The following RPGR variants were observed in gnomAD, a reference collection of about 807,000 sequenced individuals.
The protein encoded by RPGR is retinitis pigmentosa GTPase regulator.
A neutral mutation model predicts 56.3 loss-of-function variants in RPGR; 10 were observed. The ratio of observed to expected loss-of-function variants is 0.18; its 90% CI spans 0.11 to 0.30. The LOEUF is 0.30. Among genes scored for constraint, RPGR ranks in the 10% least tolerant of loss-of-function variants. RPGR has a pLI of 1.00. For synonymous variants in RPGR, 197 were observed against 212.9 expected, an observed-to-expected ratio of 0.93 and a Z score of 0.65; for missense variants, 538 against 590.9, an observed-to-expected ratio of 0.91 and a Z score of 0.93.
At chrX:38,273,089 T>C (rs1436297976) in intron 18 of RPGR, among the ~76,000 whole-genome samples, 1 of 112,226 alleles carries the variant, frequency 8.9e-6, no homozygotes, top group Non-Finnish European at 1.9e-5. Flanking sequence ...TGATGAGCTT[T>C]AGATTTTAGG....
chrX:38,300,816 T>C (rs1006047571), intron 9 of RPGR, among the ~76,000 whole-genome samples: 3 of 112,248 alleles, frequency 2.7e-5, no homozygotes, highest in African/African-American at 9.7e-5. Context: ...ATTACAGGAG[T>C]GAGCCACCGT....
At chrX:38,306,280 T>A (rs1238531392) in intron 7 of RPGR, among the ~76,000 whole-genome samples, 1 of 112,217 alleles carries the variant, frequency 8.9e-6, no homozygotes, top group Non-Finnish European at 1.9e-5. Context: ...TTAGATTCTC[T>A]GATGTTATAA....
chrX:38,291,597 A>G, intron 11 of RPGR, 113 bp from the exon 12 acceptor site: 2 of 463,504 alleles, frequency 4.3e-6, no homozygotes, highest in South Asian at 3.2e-5. Flanking sequence ...AATTTTACTA[A>G]AAGTCCTTTA....
chrX:38,293,049 A>T (rs1391340451), intron 11 of RPGR, among the ~76,000 whole-genome samples: 1 of 112,181 alleles, frequency 8.9e-6, no homozygotes, highest in Non-Finnish European at 1.9e-5. Flanking sequence ...TCATTTTGTA[A>T]ATATAGAAAT....
rs1197806701 is a variant in RPGR at position 38,318,723 on chromosome X, G to A, written c.469+106C>T. ...GTTTTCTGAAAGCACATAGATAGTC[G>A]ATGAAAGAAAACTAAACAGCAATGC... On this transcript the variant is annotated intron_variant, in intron 5 of 18. Transcript: ENST00000642395. The A allele has an allele frequency of 2.1e-5, 18 of 849,677 alleles. No homozygotes were observed. The South Asian group carries it at 2.8e-4, about 13-fold the overall frequency. The allele number at this position is 849,677 out of a possible 1,213,427, so 70.0% of individuals were successfully genotyped here. A position where few individuals can be genotyped will look rare whatever the true frequency, so the allele number is the denominator to read the frequency against.
At chrX:38,278,054 A>G (rs2066966966) in intron 15 of RPGR, among the ~76,000 whole-genome samples, 2 of 111,971 alleles carry the variant, frequency 1.8e-5, no homozygotes, top group African/African-American at 3.2e-5. Context: ...CTACTCAGGA[A>G]GAATTAGATT....
chrX:38,285,319 G>A (rs1279799680), intron 15 of RPGR: 4 of 1,055,767 alleles, frequency 3.8e-6, no homozygotes, highest in Non-Finnish European at 2.4e-6. Flanking sequence ...TTTATAATTT[G>A]GGGGGGAAAT....
At chrX:38,315,994 T>C (rs1344576572) in intron 6 of RPGR, among the ~76,000 whole-genome samples, 1 of 110,755 alleles carries the variant, frequency 9.0e-6, no homozygotes, top group Non-Finnish European at 1.9e-5. Flanking sequence ...TGCTTTTCTA[T>C]ACAACATTTT....
intron 1 of RPGR, among the ~76,000 whole-genome samples, chrX:38,323,996 C>T (rs777275680): frequency 8.9e-6 from 1 of 112,164 alleles, no homozygotes; most frequent in Non-Finnish European, 1.9e-5. Flanking sequence ...GAGTCTCTAT[C>T]AGTCAATTTG....
intron 6 of RPGR, among the ~76,000 whole-genome samples, chrX:38,312,615 C>T (rs975225300): frequency 9.0e-6 from 1 of 111,656 alleles, no homozygotes; most frequent in African/African-American, 3.3e-5. Flanking sequence ...GAGTCACATC[C>T]TCCCTTGGGA....
chrX:38,323,642 C>A, intron 1 of RPGR, 118 bp from the exon 2 acceptor site: 1 of 777,786 alleles, frequency 1.3e-6, no homozygotes, highest in Admixed American at 2.7e-5. Flanking sequence ...TGCCCCCACT[C>A]TGGCAATGTT....
chrX:38,325,753 T>C (rs1186536310), intron 1 of RPGR: 1 of 111,944 alleles, frequency 8.9e-6, no homozygotes, highest in Non-Finnish European at 1.9e-5. Context: ...GATTTTAACA[T>C]TCTTACATCA....
intron 18 of RPGR, among the ~76,000 whole-genome samples, chrX:38,271,749 AAACATG>A (rs1354308970): frequency 8.9e-6 from 1 of 112,343 alleles, no homozygotes; most frequent in Non-Finnish European, 1.9e-5. Flanking sequence ...AGTACCAGTG[AAACATG>A]AACTCACAAT....
intron 1 of RPGR, among the ~76,000 whole-genome samples, chrX:38,324,786 AGCAAGATTTGT>A (rs1199606182): frequency 9.8e-6 from 1 of 101,917 alleles, no homozygotes; most frequent in Non-Finnish European, 2.0e-5. Flanking sequence ...TACACAAATC[AGCAAGATTTGT>A]GTAACAGTTT....
rs1256203440 is a variant in RPGR at position 38,290,875 on chromosome X, C to G, written c.1572+84G>C. 1.1e-5 allele frequency: 4 copies of G among 359,981 alleles called. No homozygotes were observed. The South Asian group carries it at 1.3e-4, about 12-fold the overall frequency. 29.7% of individuals were successfully genotyped at this position (359,981 alleles called of 1,213,427 possible). The stretch of plus-strand genomic sequence containing the variant: ...CTAAAGTAAGTAAATGCTTACGTTT[C>G]TTGTGTTCTTTCCAAAAACCATCCA... On this transcript the variant is annotated intron_variant, in intron 13 of 18. Transcript: ENST00000642395.
chrX:38,322,351 T>C (rs2067958681), intron 3 of RPGR, among the ~76,000 whole-genome samples: 1 of 112,041 alleles, frequency 8.9e-6, no homozygotes, highest in South Asian at 3.7e-4. Context: ...AAATATTTTG[T>C]CCTGTTGTTC....
chrX:38,281,341 A>C (rs1411604807), intron 15 of RPGR, among the ~76,000 whole-genome samples: 1 of 112,278 alleles, frequency 8.9e-6, no homozygotes, highest in Non-Finnish European at 1.9e-5. Context: ...TCGGCTAACC[A>C]CATGAGTGTG....
At chrX:38,300,584 G>C (rs1326409510) in intron 9 of RPGR, among the ~76,000 whole-genome samples, 3 of 111,367 alleles carry the variant, frequency 2.7e-5, no homozygotes, top group South Asian at 3.8e-4. Flanking sequence ...ACCTGGGCTG[G>C]AGTGCAGTGA....
chrX:38,286,072 T>TCCC, intron 15 of RPGR: 1 of 448,025 alleles, frequency 2.2e-6, no homozygotes, highest in Non-Finnish European at 3.1e-6. Context: ...CCCTTCTCCT[T>TCCC]CCTCCCCTTC....
Sources: gnomAD v4.1 joint callset for allele counts (sites outside exome capture counted in the v4.1 genomes callset) on GRCh38, gnomAD v4.1.1 for gene constraint, MANE v1.5 for transcripts, NCBI Gene and HGNC (gene_info 2026-07-23, HGNC 2026-07-21) for gene names.